The following GGA3 variants were observed in gnomAD, a reference collection of about 807,000 sequenced individuals.
GGA3 encodes the protein golgi associated, gamma adaptin ear containing, ARF binding protein 3.
Under a neutral mutation model 77.5 loss-of-function variants are expected in GGA3, and 57 were observed. The ratio of observed to expected loss-of-function variants is 0.74; its 90% confidence interval spans 0.59 to 0.92. GGA3 has a LOEUF of 0.92. Among genes scored for constraint, GGA3 ranks in the 40% least tolerant of loss-of-function variants. The pLI, the probability that GGA3 is intolerant of heterozygous loss-of-function variation, is 0.00. For synonymous variants in GGA3, 416 were observed against 383.7 expected (o/e 1.08, Z -0.98); for missense variants, 970 against 914.9 (o/e 1.06, Z -0.78).
intron 1 of GGA3, chr17:75,249,097 G>C (rs1228675515): frequency 1.5e-6 from 1 of 663,696 alleles, no homozygotes; most frequent in Non-Finnish European, 1.9e-6. Context: ...CCAGGCTGGA[G>C]TGCAGTGGCG....
At chr17:75,242,978 G>A (rs2076620424) in intron 6 of GGA3, 67 bp from the exon 7 acceptor site, 7 of 1,480,470 alleles carry the variant, frequency 4.7e-6, no homozygotes, top group Middle Eastern at 1.7e-4. Context: ...AACCCCAGAG[G>A]CTCCCCGCAG....
At chr17:75,246,122 G>A (rs1285620855) in intron 3 of GGA3, among the ~76,000 whole-genome samples, 3 of 152,224 alleles carry the variant, frequency 2.0e-5, no homozygotes, top group Non-Finnish European at 4.4e-5. Flanking sequence ...AGAATGAACT[G>A]GACCGACCCC....
intron 1 of GGA3, among the ~76,000 whole-genome samples, chr17:75,260,004 C>T (rs560653052): frequency 6.6e-6 from 1 of 152,192 alleles, no homozygotes; most frequent in East Asian, 1.9e-4. Context: ...AAAGAATTAG[C>T]CAAGCATGGT....
rs766495962 is a variant in GGA3 at position 75,242,353 on chromosome 17, C to A, written c.730G>T (p.Asp244Tyr). The A allele has an allele frequency of 6.2e-7, 1 of 1,614,226 alleles. No individual in the cohort carries two copies. The highest frequency in any genetic ancestry group is 8.5e-7 in the Non-Finnish European group (1 of 1,180,030). Residue 244 changes from aspartate (D) to tyrosine (Y), a missense_variant, in exon 8 of 17, where the codon GAC (aspartate) becomes TAC (tyrosine). Transcript: ENST00000537686. The stretch of plus-strand genomic sequence containing the variant: ...GGTCCCACCTTCATCAGCTCTCTGT[C>A]CCCGTCCGAAGAGTCCTCCTGGCTG... ...HYSQEDSSDG[D>Y]RELMKELFDQ...
rs1304698540 is a variant in GGA3 at position 75,240,886 on chromosome 17, TG to T, written c.1117del (p.Gln373ArgfsTer151). The T allele has an allele frequency of 6.2e-7, 1 of 1,613,582 alleles. No homozygotes were observed. Among genetic ancestry groups the T allele is most frequent in the Non-Finnish European group, 8.5e-7 (1 of 1,179,860 alleles). The stretch of plus-strand genomic sequence containing the variant: ...GCTGGGCCCCAGGGTGGCCTCGGCC[TG>T]GCTAGAGGAGCGGCTCCGTGGAGGT... ...SGPPRSRSSS[Q>X]AEATLGPSST... On this transcript the variant is annotated frameshift_variant, in exon 11 of 17. Transcript: ENST00000537686. LOFTEE classifies it high-confidence loss of function.
Position 75,243,543 on chromosome 17 carries a change from C to CT in GGA3, c.327dup (p.Val110SerfsTer7). The CT allele has an allele frequency of 6.2e-7, 1 of 1,614,124 alleles. No homozygotes were observed. The highest frequency in any genetic ancestry group is 8.5e-7 in the Non-Finnish European group (1 of 1,179,982). On this transcript the variant is annotated frameshift_variant, in exon 5 of 17. Coordinates refer to ENST00000537686, the MANE Select transcript of GGA3 (RefSeq NM_138619.4). LOFTEE classifies it high-confidence loss of function. The stretch of plus-strand genomic sequence containing the variant: ...AGCAGCTCAATAACCTTGGTCTTCA[C>CT]TTTCTCAGACACCCTGTCCCCCAGG...
chr17:75,240,073 C>A lies in GGA3; in HGVS notation c.1299G>T (p.Arg433Ser), dbSNP rs1315787197. The change falls in exon 13 of 17, where the codon AGG becomes AGT. Residue 433 changes from arginine (R) to serine (S), a missense_variant. Arg to Ser is a moderately radical substitution (Grantham distance 110). Coordinates refer to ENST00000537686, the MANE Select transcript of GGA3 (RefSeq NM_138619.4). The stretch of plus-strand genomic sequence containing the variant: ...AGGCGCCACAGGCAGCGGTCCCCGG[C>A]CTGGGGCTGAAGAAGTCCAGGTCGG... ...EQSDLDFFSP[R>S]PGTAACGASD... 3 of 1,550,032 alleles carry A rather than the reference C, an allele frequency of 1.9e-6. No homozygotes were observed. The highest frequency in any genetic ancestry group is 1.4e-5 in the African/African-American group (1 of 73,134).
At chr17:75,260,913 T>G (rs763636013) in intron 1 of GGA3, among the ~76,000 whole-genome samples, 1 of 151,666 alleles carries the variant, frequency 6.6e-6, no homozygotes, top group Non-Finnish European at 1.5e-5. Context: ...AGGGGGTATA[T>G]GTATGTGTGT....
chr17:75,249,924 T>C (rs560016097), intron 1 of GGA3, among the ~76,000 whole-genome samples: 124 of 152,212 alleles, frequency 8.1e-4, no homozygotes, highest in Non-Finnish European at 1.5e-3. Flanking sequence ...TTCTCTAGAA[T>C]CTCACTTTCT....
Position 75,238,160 on chromosome 17 carries a change from G to C in GGA3, c.*119C>G. ...CTCAGCAGAAATGCCCAGGGCCCCT[G>C]TTCCACATCAAAGCTACAAGCACTG... On this transcript the variant is annotated 3_prime_UTR_variant, in exon 17 of 17. Transcript: ENST00000537686. 1 of 1,489,666 alleles carries C rather than the reference G, an allele frequency of 6.7e-7. No individual in the cohort carries two copies. Among genetic ancestry groups the C allele is most frequent in the Non-Finnish European group, 8.9e-7 (1 of 1,122,046 alleles). The allele number at this position is 1,489,666 out of a possible 1,614,324, so 92.3% of individuals were successfully genotyped here. A position where few individuals can be genotyped will look rare whatever the true frequency, so the allele number is the denominator to read the frequency against.
At chr17:75,243,408 C>G (rs751525385) in intron 5 of GGA3, 39 bp downstream of exon 5, 6 of 1,612,604 alleles carry the variant, frequency 3.7e-6, no homozygotes, top group Non-Finnish European at 5.1e-6. Flanking sequence ...GGCCAGCCTT[C>G]GAGGGCTGCC....
chr17:75,246,595 A>G lies in GGA3; in HGVS notation c.126-11T>C, dbSNP rs1468288641. On this transcript the variant is annotated splice_polypyrimidine_tract_variant and intron_variant, in intron 2 of 16. Coordinates refer to ENST00000537686, the MANE Select transcript of GGA3 (RefSeq NM_138619.4). Reference sequence around the variant, plus strand: ...ACGGCGATCTGTGGCCTGGGGGACAAGCAGAACACACTCCAGTGCACTAAG... The same window carrying G: ...ACGGCGATCTGTGGCCTGGGGGACAGGCAGAACACACTCCAGTGCACTAAG... The G allele has an allele frequency of 3.7e-6, 6 of 1,612,508 alleles. No individual in the cohort carries two copies. The highest frequency in any genetic ancestry group is 1.6e-4 in the Middle Eastern group (1 of 6,080).
At chr17:75,261,666 T>A (rs1276662803), upstream of GGA3, 5 of 1,368,012 alleles carry the variant, frequency 3.7e-6, no homozygotes, top group Non-Finnish European at 4.9e-6. Flanking sequence ...CTGCATGGGG[T>A]CCTGAGAGGA....
rs4423890 is a variant in GGA3, at chr17:75,255,549, G to A, written c.40+5999C>T. 1.3e-4 allele frequency among the ~76,000 whole-genome samples: 19 copies of A among 151,222 alleles called. No homozygotes were observed. The East Asian group carries it at 1.4e-3, about 11-fold the overall frequency. The stretch of plus-strand genomic sequence containing the variant: ...ATTAAAACCTAATCACCCTTACCCC[G>A]CTCAATGCCAATATCCCATCCCACA... On this transcript the variant is annotated intron_variant, in intron 1 of 16. Transcript: ENST00000537686.
At position 75,240,807 on chromosome 17, in the gene GGA3, C is replaced by T. The variant is rs919250633; in HGVS notation, c.1192+5G>A. 2 of 1,606,018 alleles carry T rather than the reference C, an allele frequency of 1.2e-6. No individual in the cohort carries two copies. The highest frequency in any genetic ancestry group is 8.5e-7 in the Non-Finnish European group (1 of 1,177,186). ...GATGCCCCTGACGCCCCCTGTGGGC[C>T]GCACCCAAGCAGAGTAGCTCCTCGT... On this transcript the variant is annotated splice_donor_5th_base_variant and intron_variant, in intron 11 of 16. Coordinates refer to ENST00000537686, the MANE Select transcript of GGA3 (RefSeq NM_138619.4).
chr17:75,254,305 C>A (rs932354025), intron 1 of GGA3, among the ~76,000 whole-genome samples: 2 of 152,142 alleles, frequency 1.3e-5, no homozygotes, highest in Non-Finnish European at 2.9e-5. Flanking sequence ...TTTATCACCT[C>A]CCCTCCTCAC....
At chr17:75,257,408 A>T (rs1258565224) in intron 1 of GGA3, among the ~76,000 whole-genome samples, 7 of 152,120 alleles carry the variant, frequency 4.6e-5, no homozygotes, top group Non-Finnish European at 1.0e-4. Flanking sequence ...TGTTTCTCCA[A>T]GCCATCACAG....
In GGA3 at chr17:75,243,447, CCT is replaced by C. The variant is rs1195964353; in HGVS notation, c.422_423del (p.Gln141ArgfsTer6). 1 of 1,614,120 alleles carries C rather than the reference CCT, an allele frequency of 6.2e-7. No individual in the cohort carries two copies. Among genetic ancestry groups the C allele is most frequent in the Non-Finnish European group, 8.5e-7 (1 of 1,180,024 alleles). On this transcript the variant is annotated frameshift_variant and splice_region_variant, in exon 5 of 17. Transcript: ENST00000537686. LOFTEE classifies it high-confidence loss of function. ...IKDAYHMLKR[Q>X]GIVQSDPPIP... ...AGGCTGCGGGCAGGCAGACACGTACCCTGTCTCTTCAGCATGTGGTAGGCGTC... is the reference window on the plus strand; with the variant it reads ...AGGCTGCGGGCAGGCAGACACGTACCGTCTCTTCAGCATGTGGTAGGCGTC...
chr17:75,241,437 A>G lies in GGA3; in HGVS notation c.909T>C (p.Asn303=). ...YKTIIEGQVI[N]GEVATLTLPD... is the part of the protein sequence containing the mutation. Reference sequence around the variant, plus strand: ...GCAGGGTTAAGGTAGCCACCTCGCCATTGATGACCTGCCCTTCAATAATTG... The same window carrying G: ...GCAGGGTTAAGGTAGCCACCTCGCCGTTGATGACCTGCCCTTCAATAATTG... The change falls in exon 10 of 17, where the codon AAT becomes AAC. Residue 303 remains asparagine, a synonymous_variant. Coordinates refer to ENST00000537686, the MANE Select transcript of GGA3 (RefSeq NM_138619.4). 1 of 1,613,908 alleles carries G rather than the reference A, an allele frequency of 6.2e-7. No individual in the cohort carries two copies. Among genetic ancestry groups the G allele is most frequent in the Non-Finnish European group, 8.5e-7 (1 of 1,179,804 alleles).
Sources: gnomAD v4.1 joint callset for allele counts (sites outside exome capture counted in the v4.1 genomes callset) on GRCh38, gnomAD v4.1.1 for gene constraint, MANE v1.5 for transcripts, NCBI Gene and HGNC (gene_info 2026-07-23, HGNC 2026-07-21) for gene names.